AMZ2: variants seen among roughly 807,000 people sequenced by gnomAD.
AMZ2 encodes archaelysin family metallopeptidase 2, also known as archaemetzincin-2.
A neutral mutation model predicts 36.7 loss-of-function variants in AMZ2; 26 were observed. That is an observed-to-expected ratio of 0.71 (90% CI 0.52 to 0.98). AMZ2 has a LOEUF of 0.98. Ranked by LOEUF, AMZ2 falls within the 50% of genes least tolerant of loss-of-function variation. The pLI, the probability that AMZ2 is intolerant of heterozygous loss-of-function variation, is 0.00. For missense variants in AMZ2, 394 were observed against 430.5 expected, an observed-to-expected ratio of 0.92 and a Z score of 0.75; for synonymous variants, 144 against 149.1, an observed-to-expected ratio of 0.97 and a Z score of 0.25.
At chr17:68,230,009 G>A (rs1225999990) in intron 1 of AMZ2, among the ~76,000 whole-genome samples, 4 of 152,154 alleles carry the variant, frequency 2.6e-5, no homozygotes, top group African/African-American at 4.8e-5. Context: ...ATCCTAAGGC[G>A]TAGCCCTAGA....
chr17:68,253,121 G>A (rs1250955892), intron 4 of AMZ2, among the ~76,000 whole-genome samples: 4 of 152,214 alleles, frequency 2.6e-5, no homozygotes, highest in Non-Finnish European at 4.4e-5. Flanking sequence ...ATTATTGGAA[G>A]AAGGAAATGT....
At chr17:68,223,935 G>A (rs2073438373) in intron 1 of AMZ2, among the ~76,000 whole-genome samples, 1 of 151,076 alleles carries the variant, frequency 6.6e-6, no homozygotes, top group Non-Finnish European at 1.5e-5. Flanking sequence ...TGTCGCCCAG[G>A]CTGGAGTGCA....
chr17:68,238,198 A>C (rs781994575), intron 1 of AMZ2, among the ~76,000 whole-genome samples: 2 of 151,736 alleles, frequency 1.3e-5, no homozygotes, highest in African/African-American at 4.8e-5. Context: ...TTTTTCTTTT[A>C]TTTTCTTTCT....
upstream of AMZ2, among the ~76,000 whole-genome samples, chr17:68,243,518 T>C (rs2073945498): frequency 6.6e-6 from 1 of 152,258 alleles, no homozygotes; most frequent in African/African-American, 2.4e-5. Flanking sequence ...AATTTATGCT[T>C]TTCCAGTCTC....
At chr17:68,208,438 C>G (rs1555724930) in intron 1 of AMZ2, among the ~76,000 whole-genome samples, 4 of 152,172 alleles carry the variant, frequency 2.6e-5, no homozygotes. Context: ...CTGTATCTAG[C>G]TAATCTAGTG....
At chr17:68,217,032 C>CA (rs11284875) in intron 1 of AMZ2, among the ~76,000 whole-genome samples, 1,483 of 95,252 alleles carry the variant, frequency 0.016, 18 homozygotes, top group African/African-American at 0.042. Flanking sequence ...GACTCCGTCT[C>CA]AAAAAAAAAA....
chr17:68,244,652 CA>C (rs1555734810), upstream of AMZ2, among the ~76,000 whole-genome samples: 45 of 152,172 alleles, frequency 3.0e-4, no homozygotes, highest in Middle Eastern at 3.4e-3. Flanking sequence ...GAGATAAAGA[CA>C]CAAAAAGGAT....
At chr17:68,211,760 GTA>G (rs2073061109) in intron 1 of AMZ2, among the ~76,000 whole-genome samples, 1 of 122,794 alleles carries the variant, frequency 8.1e-6, no homozygotes, top group Admixed American at 8.2e-5. Context: ...ATATGTATAT[GTA>G]TATATGTGTA....
rs1274681047 is a variant in AMZ2, at chr17:68,248,339, C to T, written c.-367C>T. ...GGCGAAGCGAGAGTCCCTGGGGAAC[C>T]CCCACTCCACTCCCAGCTGGAGACT... is the stretch of plus-strand genomic sequence containing the variant. On this transcript the variant is annotated 5_prime_UTR_variant, in exon 1 of 7. Transcript: ENST00000359904. The T allele has an allele frequency of 1.0e-6, 1 of 985,932 alleles. No homozygotes were observed. The highest frequency in any genetic ancestry group is 6.1e-5 in the Admixed American group (1 of 16,268). 61.1% of individuals were successfully genotyped at this position (985,932 alleles called of 1,614,324 possible). A position where few individuals can be genotyped will look rare whatever the true frequency, so the allele number is the denominator to read the frequency against.
At chr17:68,243,964 C>A (rs2073954059), upstream of AMZ2, among the ~76,000 whole-genome samples, 1 of 152,108 alleles carries the variant, frequency 6.6e-6, no homozygotes. Flanking sequence ...CTATAAAGAA[C>A]CTTAAATAAA....
intron 1 of AMZ2, among the ~76,000 whole-genome samples, chr17:68,237,872 T>TC (rs1227811319): frequency 6.6e-6 from 1 of 152,068 alleles, no homozygotes; most frequent in East Asian, 1.9e-4. Context: ...CAGCGGCTGT[T>TC]CCCTCCCCCA....
In AMZ2 at chr17:68,250,447, G is replaced by A. The variant is rs140418249; in HGVS notation, c.260G>A (p.Arg87His). 5.0e-5 allele frequency: 80 copies of A among 1,613,904 alleles called. No homozygotes were observed. In the Middle Eastern group the frequency reaches 6.6e-4, roughly 13 times the overall value. ...PYRKTPSPNK[R>H]SIYIQSIGSL... ...AGAAAGACACCCTCTCCAAACAAAC[G>A]CAGCATTTATATACAGTCCATTGGT... Residue 87 changes from arginine to histidine, a missense_variant, in exon 2 of 7, where the codon CGC (arginine) becomes CAC (histidine). By Grantham distance (29) the Arg-to-His change is conservative. Transcript: ENST00000359904.
At chr17:68,217,449 CTT>C (rs1269562809) in intron 1 of AMZ2, among the ~76,000 whole-genome samples, 1 of 152,164 alleles carries the variant, frequency 6.6e-6, no homozygotes, top group African/African-American at 2.4e-5. Context: ...ATAGGATTAT[CTT>C]TTTCCATGCT....
At chr17:68,239,956 G>A (rs12944987) in intron 1 of AMZ2, among the ~76,000 whole-genome samples, 4,759 of 152,256 alleles carry the variant, frequency 0.031, 101 homozygotes, top group Non-Finnish European at 0.054. Context: ...AGAGAAATAC[G>A]AAAAGACATT....
intron 1 of AMZ2, among the ~76,000 whole-genome samples, chr17:68,225,486 A>C (rs1555729658): frequency 6.6e-6 from 1 of 152,188 alleles, no homozygotes; most frequent in African/African-American, 2.4e-5. Context: ...AGGAAAACAC[A>C]CAATAGCTGT....
chr17:68,220,328 C>T (rs2073314631), intron 1 of AMZ2, among the ~76,000 whole-genome samples: 1 of 32,780 alleles, frequency 3.1e-5, no homozygotes, highest in Non-Finnish European at 4.8e-5. Context: ...TATGCCTCCC[C>T]TTGCTTTACA....
chr17:68,245,351 C>G (rs1177018863), upstream of AMZ2, among the ~76,000 whole-genome samples: 1 of 152,062 alleles, frequency 6.6e-6, no homozygotes, highest in African/African-American at 2.4e-5. Context: ...CATCCTCCCA[C>G]CTCTGCCTCC....
chr17:68,253,564 G>C (rs2074652880), intron 4 of AMZ2, among the ~76,000 whole-genome samples: 1 of 152,122 alleles, frequency 6.6e-6, no homozygotes. Flanking sequence ...TTGAAAAGGG[G>C]GTAGGGTTGG....
intron 1 of AMZ2, among the ~76,000 whole-genome samples, chr17:68,221,973 G>A (rs1470534811): frequency 6.6e-6 from 1 of 152,220 alleles, no homozygotes; most frequent in African/African-American, 2.4e-5. Flanking sequence ...AATGGCCAGA[G>A]GCTAGAAGTA....
Sources: allele counts gnomAD v4.1 joint callset (sites outside exome capture counted in the v4.1 genomes callset), GRCh38; gene constraint gnomAD v4.1.1; transcripts MANE v1.5; gene names NCBI Gene and HGNC (gene_info 2026-07-23, HGNC 2026-07-21).